Variants in DDX60 observed in about 807,000 individuals in gnomAD.
DDX60 encodes DExD/H-box helicase 60.
A neutral mutation model predicts 212.8 loss-of-function variants in DDX60; 165 were observed. The ratio of observed to expected loss-of-function variants is 0.78; its 90% CI spans 0.68 to 0.88. DDX60 has a LOEUF of 0.88. DDX60 is among the 40% of genes least tolerant of loss of function. The pLI, the probability that DDX60 is intolerant of heterozygous loss-of-function variation, is 0.00. For missense variants in DDX60, 1,905 were observed against 2,003.9 expected, an observed-to-expected ratio of 0.95 and a Z score of 0.94; for synonymous variants, 703 against 685.3, an observed-to-expected ratio of 1.03 and a Z score of -0.40.
intron 14 of DDX60, among the ~76,000 whole-genome samples, chr4:168,279,533 C>T (rs185656655): frequency 6.6e-6 from 1 of 152,296 alleles, no homozygotes; most frequent in Admixed American, 6.5e-5. Flanking sequence ...ATAACACTCA[C>T]CAAAGATGCA....
intron 26 of DDX60, among the ~76,000 whole-genome samples, chr4:168,253,194 A>G (rs1345796140): frequency 1.3e-5 from 2 of 152,030 alleles, no homozygotes; most frequent in African/African-American, 2.4e-5. Flanking sequence ...ATTCTATCAC[A>G]TATTGATATT....
intron 6 of DDX60, among the ~76,000 whole-genome samples, chr4:168,299,449 A>C (rs1419019512): frequency 6.6e-6 from 1 of 152,004 alleles, no homozygotes; most frequent in East Asian, 1.9e-4. Flanking sequence ...TAAAAACCAA[A>C]AAAGTAAGAT....
intron 33 of DDX60, among the ~76,000 whole-genome samples, chr4:168,231,257 G>A (rs1343816012): frequency 2.0e-5 from 3 of 151,848 alleles, no homozygotes; most frequent in Admixed American, 1.3e-4. Context: ...ATGGATTCAC[G>A]ACTGAATTCT....
At chr4:168,268,562 T>C (rs1484506159) in intron 20 of DDX60, among the ~76,000 whole-genome samples, 1 of 151,982 alleles carries the variant, frequency 6.6e-6, no homozygotes, top group East Asian at 1.9e-4. Context: ...TATTTCTTGG[T>C]GAAGGACAAA....
intron 5 of DDX60, among the ~76,000 whole-genome samples, chr4:168,303,475 T>G (rs1462927747): frequency 1.3e-5 from 2 of 152,006 alleles, no homozygotes; most frequent in South Asian, 4.1e-4. Flanking sequence ...CAACCAGAAT[T>G]GAAAATAGTT....
chr4:168,272,210 G>C (rs1735131713), intron 18 of DDX60, 72 bp from the exon 19 acceptor site: 1 of 1,241,234 alleles, frequency 8.1e-7, no homozygotes, highest in Admixed American at 2.0e-5. Flanking sequence ...ACAGGAATAT[G>C]TAAGATAGAC....
intron 7 of DDX60, 143 bp from the exon 8 acceptor site, chr4:168,292,049 C>CTTTCTTTCCT (rs58664687): frequency 5.3e-5 from 16 of 303,586 alleles, no homozygotes; most frequent in South Asian, 7.6e-5. Flanking sequence ...TTCTTTCTTT[C>CTTTCTTTCCT]TTTTTTTTTT....
At chr4:168,307,801 C>A (rs1428994943) in intron 4 of DDX60, among the ~76,000 whole-genome samples, 1 of 152,120 alleles carries the variant, frequency 6.6e-6, no homozygotes, top group South Asian at 2.1e-4. Context: ...CAATAAAGTT[C>A]TCTTCATTCA....
chr4:168,278,121 C>A (rs1735431399), intron 14 of DDX60, among the ~76,000 whole-genome samples: 1 of 152,006 alleles, frequency 6.6e-6, no homozygotes, highest in South Asian at 2.1e-4. Context: ...TTCAGATATG[C>A]CAAAAAGAAG....
At chr4:168,307,212 G>A (rs1212255199) in intron 4 of DDX60, among the ~76,000 whole-genome samples, 3 of 152,000 alleles carry the variant, frequency 2.0e-5, no homozygotes, top group African/African-American at 7.3e-5. Flanking sequence ...ACAAAACATG[G>A]CTGGCAAGCA....
intron 25 of DDX60, among the ~76,000 whole-genome samples, chr4:168,257,242 G>C (rs1734449765): frequency 6.6e-6 from 1 of 152,112 alleles, no homozygotes; most frequent in Non-Finnish European, 1.5e-5. Flanking sequence ...CTGGGAGGTG[G>C]AGGTTGCAGT....
In DDX60 at chr4:168,284,898, C is replaced by T. The variant is rs765574168; in HGVS notation, c.1483G>A (p.Glu495Lys). The change falls in exon 12 of 38, where the codon GAA (glutamate) becomes AAA (lysine). Residue 495 changes from glutamate to lysine, a missense_variant. By Grantham distance (56) the Glu-to-Lys change is moderately conservative. Transcript: ENST00000393743. ...TGCCAGTGCACAAGTTCATCAAATTCCTTTTGTTTAACCAGTGAAGTAACA... is the reference window on the plus strand; with the variant it reads ...TGCCAGTGCACAAGTTCATCAAATTTCTTTTGTTTAACCAGTGAAGTAACA... ...PIVTSLVKQK[E>K]FDELVHWHSH... 3.1e-6 allele frequency: 5 copies of T among 1,597,148 alleles called. No individual in the cohort carries two copies. In the South Asian group the frequency reaches 4.5e-5, roughly 15 times the overall value.
At chr4:168,314,195 T>C (rs753419254) in intron 1 of DDX60, among the ~76,000 whole-genome samples, 3 of 152,084 alleles carry the variant, frequency 2.0e-5, no homozygotes, top group Non-Finnish European at 2.9e-5. Context: ...CCTATTAACC[T>C]CTGCCCCAAC....
At chr4:168,323,180 A>G (rs1434593034), upstream of DDX60, among the ~76,000 whole-genome samples, 1 of 152,176 alleles carries the variant, frequency 6.6e-6, no homozygotes, top group Non-Finnish European at 1.5e-5. Context: ...AAATTTGATG[A>G]TGTCTGAGAC....
At chr4:168,238,193 T>C (rs942839034) in intron 30 of DDX60, among the ~76,000 whole-genome samples, 3 of 128,214 alleles carry the variant, frequency 2.3e-5, no homozygotes, top group Non-Finnish European at 3.1e-5. Flanking sequence ...TGCATTAAAG[T>C]ACATGTATCT....
At chr4:168,251,606 C>T (rs1277660751) in intron 27 of DDX60, among the ~76,000 whole-genome samples, 1 of 152,132 alleles carries the variant, frequency 6.6e-6, no homozygotes, top group African/African-American at 2.4e-5. Context: ...ATGAACACTG[C>T]TTATGAAGGA....
rs781089591 is a variant in DDX60 at position 168,280,459 on chromosome 4, A to G, written c.1854T>C (p.Ser618=). The part of the protein sequence containing the change: ...IEEQLKENLH[S]GIKSLEDFLK... Reference sequence around the variant, plus strand: ...AAAAATCTTCCAGGCTCTTTATTCCAGAGTGTAAATTTTCTTTCAATTGCT... The same window carrying G: ...AAAAATCTTCCAGGCTCTTTATTCCGGAGTGTAAATTTTCTTTCAATTGCT... The change falls in exon 14 of 38, where the codon TCT becomes TCC. Residue 618 remains serine (S), a synonymous_variant. Coordinates refer to ENST00000393743, the MANE Select transcript of DDX60 (RefSeq NM_017631.6). 6.2e-7 allele frequency: 1 copy of G among 1,614,160 alleles called. No homozygotes were observed.
At chr4:168,242,347 C>T (rs1241843784) in intron 30 of DDX60, among the ~76,000 whole-genome samples, 1 of 152,208 alleles carries the variant, frequency 6.6e-6, no homozygotes, top group African/African-American at 2.4e-5. Flanking sequence ...CATCCACTGA[C>T]AGCTTGCGCT....
At chr4:168,237,873 A>G in intron 30 of DDX60, 78 bp from the exon 31 acceptor site, 2 of 1,046,354 alleles carry the variant, frequency 1.9e-6, no homozygotes, top group Non-Finnish European at 1.4e-6. Flanking sequence ...TAAATGATAG[A>G]TCAATATCTA....
Sources: gnomAD v4.1 joint callset for allele counts (sites outside exome capture counted in the v4.1 genomes callset) on GRCh38, gnomAD v4.1.1 for gene constraint, MANE v1.5 for transcripts, NCBI Gene and HGNC (gene_info 2026-07-23, HGNC 2026-07-21) for gene names.